Variants in JAKMIP1 observed in about 807,000 individuals in gnomAD.
JAKMIP1 encodes janus kinase and microtubule-interacting protein 1.
JAKMIP1 carries 33 observed loss-of-function variants against 113.0 expected under a neutral mutation model. That is an observed-to-expected ratio of 0.29 (90% confidence interval 0.22 to 0.39). JAKMIP1 has a LOEUF of 0.39. JAKMIP1 is among the 10% of genes least tolerant of loss of function. JAKMIP1 has a pLI of 1.00. For missense variants in JAKMIP1, 813 were observed against 1,080.5 expected (o/e 0.75, Z 3.47); for synonymous variants, 480 against 459.9 (o/e 1.04, Z -0.56).
rs968455064 is a variant in JAKMIP1, at chr4:6,108,204, CCAGGTGA to C, written c.130-2244_130-2238del. On this transcript the variant is annotated intron_variant, in intron 2 of 20. Coordinates refer to ENST00000409021, the MANE Select transcript of JAKMIP1 (RefSeq NM_001099433.2). The surrounding 1 kb of genome is among the most constrained non-coding windows in gnomAD (Gnocchi z 5.6). ...TGCCCAAAGCTGCTGAGAGCCAAGC[CCAGGTGA>C]CATGACCTATGCCACAGAAGCAGCA... Among the ~76,000 whole-genome samples the C allele has an allele frequency of 1.6e-4, 24 of 152,162 alleles. No individual in the cohort carries two copies. Among genetic ancestry groups the C allele is most frequent in the African/African-American group, 5.8e-4 (24 of 41,518 alleles).
intron 3 of JAKMIP1, 116 bp downstream of exon 3, chr4:6,105,357 C>T (rs995731501): frequency 1.8e-6 from 2 of 1,109,792 alleles, no homozygotes; most frequent in Non-Finnish European, 1.3e-6. Flanking sequence ...TTGCTGGGGC[C>T]CCAGTGCTTT....
intron 19 of JAKMIP1, among the ~76,000 whole-genome samples, chr4:6,030,626 G>A (rs551345841): frequency 3.9e-5 from 6 of 152,234 alleles, no homozygotes; most frequent in African/African-American, 1.4e-4. Flanking sequence ...TCTGCCCAGC[G>A]GGCTGCTGGC....
chr4:6,030,192 C>T (rs749111600), intron 19 of JAKMIP1, among the ~76,000 whole-genome samples: 26 of 152,044 alleles, frequency 1.7e-4, no homozygotes, highest in Non-Finnish European at 2.9e-4. Flanking sequence ...TGGGATGTGA[C>T]ACCACATCAC....
At position 6,086,874 on chromosome 4, in the gene JAKMIP1, T is replaced by G. The variant is rs1721381808; in HGVS notation, c.625-1245A>C. 6.6e-6 allele frequency among the ~76,000 whole-genome samples: 1 copy of G among 151,940 alleles called. No individual in the cohort carries two copies. The highest frequency in any genetic ancestry group is 1.5e-5 in the Non-Finnish European group (1 of 67,988). Reference sequence around the variant, plus strand: ...AGGCAGAGGCTGGAGGGACACAGCCTCAAGCCAAGGAACTCAAGGTCAGCC... The same window carrying G: ...AGGCAGAGGCTGGAGGGACACAGCCGCAAGCCAAGGAACTCAAGGTCAGCC... On this transcript the variant is annotated intron_variant, in intron 3 of 20. Coordinates refer to ENST00000409021, the MANE Select transcript of JAKMIP1 (RefSeq NM_001099433.2). This position sits in a 1 kb window ranked among gnomAD's most constrained non-coding sequence, Gnocchi z 4.1.
chr4:6,108,966 AG>A lies in JAKMIP1; in HGVS notation c.130-3000del, dbSNP rs1714423833. On this transcript the variant is annotated intron_variant, in intron 2 of 20. Coordinates refer to ENST00000409021, the MANE Select transcript of JAKMIP1 (RefSeq NM_001099433.2). The surrounding 1 kb of genome is among the most constrained non-coding windows in gnomAD (Gnocchi z 5.6). ...TATATTCCTTGTTCTGGCAGCTGAG[AG>A]GGCCTAGAAACAATGACACCGCAGC... 6.6e-6 allele frequency among the ~76,000 whole-genome samples: 1 copy of A among 152,210 alleles called. No homozygotes were observed. Among genetic ancestry groups the A allele is most frequent in the Non-Finnish European group, 1.5e-5 (1 of 68,044 alleles).
rs1372843861 is a variant in JAKMIP1 at position 6,116,036 on chromosome 4, G to T, written c.-147-3039C>A. ...TCTCCATGGGCTGATACCAAGCCTG[G>T]TACTCTCAACACCCCATGCCAGACA... On this transcript the variant is annotated intron_variant, in intron 1 of 20. Coordinates refer to ENST00000409021, the MANE Select transcript of JAKMIP1 (RefSeq NM_001099433.2). This position sits in a 1 kb window ranked among gnomAD's most constrained non-coding sequence, Gnocchi z 5.1. Among the ~76,000 whole-genome samples, 4 of 152,120 alleles carry T rather than the reference G, an allele frequency of 2.6e-5. No homozygotes were observed. The highest frequency in any genetic ancestry group is 5.9e-5 in the Non-Finnish European group (4 of 68,014).
chr4:6,104,461 C>G (rs556908253), intron 3 of JAKMIP1, among the ~76,000 whole-genome samples: 1 of 152,308 alleles, frequency 6.6e-6, no homozygotes, highest in African/African-American at 2.4e-5. Flanking sequence ...TGCCTTAGAG[C>G]CTTTGACATT....
At chr4:6,035,625 C>G (rs912584892) in intron 19 of JAKMIP1, among the ~76,000 whole-genome samples, 2 of 152,214 alleles carry the variant, frequency 1.3e-5, no homozygotes, top group Non-Finnish European at 2.9e-5. Context: ...CTGGAAACAG[C>G]GTGCAGATGC....
rs1452224648 is a variant in JAKMIP1, at chr4:6,031,388, G to A, written c.2380-1607C>T. Among the ~76,000 whole-genome samples, 1 of 152,172 alleles carries A rather than the reference G, an allele frequency of 6.6e-6. No individual in the cohort carries two copies. The highest frequency in any genetic ancestry group is 1.5e-5 in the Non-Finnish European group (1 of 68,038). ...GCTGAGATCGCGCCATTGCACTCCAGCCTGGGTGACACAGAGAGACTCCAT... is the reference window on the plus strand; with the variant it reads ...GCTGAGATCGCGCCATTGCACTCCAACCTGGGTGACACAGAGAGACTCCAT... On this transcript the variant is annotated intron_variant, in intron 19 of 20. Transcript: ENST00000409021. This position sits in a 1 kb window ranked among gnomAD's most constrained non-coding sequence, Gnocchi z 4.4.
In JAKMIP1 at chr4:6,138,403, A is replaced by G. The variant is rs1719578190; in HGVS notation, c.-147-25406T>C. 6.6e-6 allele frequency among the ~76,000 whole-genome samples: 1 copy of G among 151,840 alleles called. No homozygotes were observed. The highest frequency in any genetic ancestry group is 1.5e-5 in the Non-Finnish European group (1 of 67,966). ...GCTGGGATTACACCACACCTGGCTCATTTTTGTATTTTTAGTAGAGATGGG... is the reference window on the plus strand; with the variant it reads ...GCTGGGATTACACCACACCTGGCTCGTTTTTGTATTTTTAGTAGAGATGGG... On this transcript the variant is annotated intron_variant, in intron 1 of 20. Coordinates refer to ENST00000409021, the MANE Select transcript of JAKMIP1 (RefSeq NM_001099433.2). This position sits in a 1 kb window ranked among gnomAD's most constrained non-coding sequence, Gnocchi z 6.0.
intron 3 of JAKMIP1, among the ~76,000 whole-genome samples, chr4:6,101,903 TAAA>T (rs34415235): frequency 1.4e-3 from 186 of 132,336 alleles, no homozygotes; most frequent in Admixed American, 3.1e-3. Flanking sequence ...AAGACTCAGT[TAAA>T]AAAAAAAAAA....
chr4:6,188,593 G>T lies in JAKMIP1; in HGVS notation c.-148+11660C>A, dbSNP rs1291998493. Among the ~76,000 whole-genome samples the T allele has an allele frequency of 1.3e-5, 2 of 152,138 alleles. No homozygotes were observed. The highest frequency in any genetic ancestry group is 2.9e-5 in the Non-Finnish European group (2 of 68,016). On this transcript the variant is annotated intron_variant, in intron 1 of 20. Coordinates refer to ENST00000409021, the MANE Select transcript of JAKMIP1 (RefSeq NM_001099433.2). This position sits in a 1 kb window ranked among gnomAD's most constrained non-coding sequence, Gnocchi z 5.8. ...AATGATGAAGGGAAGCTACAACCCAGGAGCAAATGAATCGTGAAATTCCAA... is the reference window on the plus strand; with the variant it reads ...AATGATGAAGGGAAGCTACAACCCATGAGCAAATGAATCGTGAAATTCCAA...
intron 8 of JAKMIP1, among the ~76,000 whole-genome samples, chr4:6,075,477 C>T (rs1343309967): frequency 2.0e-5 from 3 of 152,154 alleles, no homozygotes; most frequent in East Asian, 1.9e-4. Context: ...TTGGTCCACA[C>T]GGAAGTCTAC....
intron 8 of JAKMIP1, among the ~76,000 whole-genome samples, chr4:6,077,947 C>G (rs2108814876): frequency 6.6e-6 from 1 of 152,268 alleles, no homozygotes; most frequent in South Asian, 2.1e-4. Context: ...TGCCACAGTC[C>G]CCACCATTCC....
intron 3 of JAKMIP1, among the ~76,000 whole-genome samples, chr4:6,101,903 TAAAA>T (rs34415235): frequency 1.1e-4 from 14 of 132,348 alleles, no homozygotes; most frequent in Non-Finnish European, 1.4e-4. Context: ...AAGACTCAGT[TAAAA>T]AAAAAAAAAA....
chr4:6,027,466 A>G (rs987283790), intron 20 of JAKMIP1, among the ~76,000 whole-genome samples: 8 of 152,182 alleles, frequency 5.3e-5, no homozygotes, highest in Admixed American at 1.3e-4. Context: ...GTGTGGCAGG[A>G]AAGAGTTTCT....
intron 1 of JAKMIP1, among the ~76,000 whole-genome samples, chr4:6,165,845 G>C (rs879835194): frequency 3.9e-5 from 6 of 152,086 alleles, no homozygotes; most frequent in Admixed American, 2.0e-4. Flanking sequence ...GTATTCTCTC[G>C]CAGTTCTGGA....
intron 16 of JAKMIP1, among the ~76,000 whole-genome samples, chr4:6,046,101 G>A (rs1303836263): frequency 2.0e-5 from 3 of 152,114 alleles, no homozygotes; most frequent in East Asian, 1.9e-4. Context: ...GTTGGCCCAC[G>A]ACTGTCCCTG....
chr4:6,081,014 C>CACACACACACACACACAA lies in JAKMIP1; in HGVS notation c.1101+594_1101+595insTTGTGTGTGTGTGTGTGT, dbSNP rs1553821445. ...ACACACACACACACACACACACACA[C>CACACACACACACACACAA]CTGCATCTGCTACAGTGCAGACAGC... On this transcript the variant is annotated intron_variant, in intron 6 of 20. Coordinates refer to ENST00000409021, the MANE Select transcript of JAKMIP1 (RefSeq NM_001099433.2). The surrounding 1 kb of genome is among the most constrained non-coding windows in gnomAD (Gnocchi z 4.6). Among the ~76,000 whole-genome samples, 1 of 151,236 alleles carries CACACACACACACACACAA rather than the reference C, an allele frequency of 6.6e-6. No homozygotes were observed. The highest frequency in any genetic ancestry group is 1.9e-4 in the East Asian group (1 of 5,156).
Sources: gnomAD v4.1 joint callset for allele counts (sites outside exome capture counted in the v4.1 genomes callset) on GRCh38, gnomAD v4.1.1 for gene constraint, Gnocchi (gnomAD v3.1) non-coding constraint, MANE v1.5 for transcripts, NCBI Gene and HGNC (gene_info 2026-07-23, HGNC 2026-07-21) for gene names.